SLC25A23: variants seen among roughly 807,000 people sequenced by gnomAD.
The protein encoded by SLC25A23 is mitochondrial adenyl nucleotide antiporter SLC25A23.
Under a neutral mutation model 53.9 loss-of-function variants are expected in SLC25A23, and 32 were observed. That is an observed-to-expected ratio of 0.59 (90% confidence interval 0.45 to 0.80). The LOEUF is 0.80. Among genes scored for constraint, SLC25A23 ranks in the 30% least tolerant of loss-of-function variants. SLC25A23 has a pLI of 0.00. For missense variants in SLC25A23, 575 were observed against 651.4 expected, an observed-to-expected ratio of 0.88 and a Z score of 1.28; for synonymous variants, 275 against 264.5, an observed-to-expected ratio of 1.04 and a Z score of -0.38.
intron 8 of SLC25A23, among the ~76,000 whole-genome samples, chr19:6,447,254 G>T (rs1483093353): frequency 1.3e-5 from 2 of 151,820 alleles, no homozygotes; most frequent in Admixed American, 1.3e-4. Flanking sequence ...TTGTCCTCAC[G>T]TCCCAGTTTC....
At chr19:6,450,011 C>T (rs976625958) in intron 8 of SLC25A23, among the ~76,000 whole-genome samples, 16 of 151,786 alleles carry the variant, frequency 1.1e-4, no homozygotes, top group African/African-American at 3.9e-4. Context: ...GTGCCCACCA[C>T]CACGCTCGGC....
At chr19:6,456,972 C>G (rs2092690600) in intron 3 of SLC25A23, among the ~76,000 whole-genome samples, 1 of 152,068 alleles carries the variant, frequency 6.6e-6, no homozygotes, top group African/African-American at 2.4e-5. Context: ...GCCACCATAG[C>G]CAGCTGTATT....
At chr19:6,436,852 ATTTT>A (rs927288940), downstream of SLC25A23, among the ~76,000 whole-genome samples, 2 of 144,844 alleles carry the variant, frequency 1.4e-5, no homozygotes, top group African/African-American at 5.2e-5. Flanking sequence ...CCAATCTTTT[ATTTT>A]TTTATTTTTT....
chr19:6,442,004 T>A lies in SLC25A23; in HGVS notation c.1378A>T (p.Lys460Ter). 1 of 1,613,888 alleles carries A rather than the reference T, an allele frequency of 6.2e-7. No individual in the cohort carries two copies. The highest frequency in any genetic ancestry group is 1.1e-5 in the South Asian group (1 of 91,066). ...SISYVVYENM[K>*]QALGVTSR is the part of the protein sequence containing the mutation. ...CTGGACGTGACCCCCAAGGCCTGCT[T>A]CATGTTCTCGTAGACCACATAGGAG... Residue 460 changes from lysine (K) to a stop codon, truncating the protein, a stop_gained, in exon 10 of 10, where the codon AAG becomes TAG. Transcript: ENST00000301454. LOFTEE classifies it high-confidence loss of function.
intron 4 of SLC25A23, among the ~76,000 whole-genome samples, chr19:6,455,159 C>A (rs1296948844): frequency 6.6e-6 from 1 of 152,138 alleles, no homozygotes; most frequent in African/African-American, 2.4e-5. Flanking sequence ...GTAGTCCCAG[C>A]TACTCAGGAG....
rs576954625 is a variant in SLC25A23 at position 6,456,187 on chromosome 19, G to A, written c.483+233C>T. ...CCCACACGCTGTCCCCAGAGGCCCC[G>A]ATGTAAGTCTCAAGGGCTGCGCTTC... On this transcript the variant is annotated intron_variant, in intron 4 of 9. Coordinates refer to ENST00000301454, the MANE Select transcript of SLC25A23 (RefSeq NM_024103.3). 5.2e-4 allele frequency: 663 copies of A among 1,266,134 alleles called. 2 individuals carry two copies. Among genetic ancestry groups the A allele is most frequent in the Non-Finnish European group, 6.5e-4 (607 of 936,816 alleles). 78.4% of individuals were successfully genotyped at this position (1,266,134 alleles called of 1,614,324 possible).
downstream of SLC25A23, chr19:6,436,543 C>A: frequency 2.4e-6 from 1 of 412,896 alleles, no homozygotes; most frequent in Non-Finnish European, 4.8e-6. Flanking sequence ...ATGGCAGCGA[C>A]AGTGTCTTTT....
chr19:6,453,973 C>G lies in SLC25A23; in HGVS notation c.903+8G>C. 6.2e-7 allele frequency: 1 copy of G among 1,608,146 alleles called. No homozygotes were observed. Among genetic ancestry groups the G allele is most frequent in the Non-Finnish European group, 8.5e-7 (1 of 1,176,902 alleles). ...CATGGGGCCTCCGCTGGGGTCCCTC[C>G]TTCTCACCTCCATAGGGTAAATGAT... On this transcript the variant is annotated splice_region_variant and intron_variant, in intron 7 of 9. Coordinates refer to ENST00000301454, the MANE Select transcript of SLC25A23 (RefSeq NM_024103.3).
chr19:6,445,233 G>A (rs568148649), intron 8 of SLC25A23, among the ~76,000 whole-genome samples: 17 of 152,142 alleles, frequency 1.1e-4, no homozygotes, highest in Admixed American at 3.9e-4. Flanking sequence ...CCTCAGCCTC[G>A]AAGTAGCTAG....
rs200436209 is a variant in SLC25A23 at position 6,454,274 on chromosome 19, G to A, written c.795+49C>T. Reference sequence around the variant, plus strand: ...CCAATCCCGTAAATCTTTATGTACAGCCCAGTCTTCCCTATGGCAAGCACA... The same window carrying A: ...CCAATCCCGTAAATCTTTATGTACAACCCAGTCTTCCCTATGGCAAGCACA... On this transcript the variant is annotated intron_variant, in intron 6 of 9. Transcript: ENST00000301454. The surrounding 1 kb of genome is among the most constrained non-coding windows in gnomAD (Gnocchi z 4.3). The A allele has an allele frequency of 3.2e-6, 5 of 1,586,334 alleles. No individual in the cohort carries two copies. The East Asian group carries it at 1.1e-4, about 36-fold the overall frequency.
intron 3 of SLC25A23, among the ~76,000 whole-genome samples, chr19:6,456,948 G>A (rs2092690216): frequency 2.6e-5 from 4 of 152,128 alleles, no homozygotes; most frequent in African/African-American, 9.7e-5. Flanking sequence ...AAAGTGGCAG[G>A]ATTGCAGGCG....
chr19:6,448,226 G>A (rs1202415742), intron 8 of SLC25A23, among the ~76,000 whole-genome samples: 1 of 152,146 alleles, frequency 6.6e-6, no homozygotes, highest in African/African-American at 2.4e-5. Context: ...AGAAATTGCT[G>A]CCTGAAACTG....
intron 8 of SLC25A23, among the ~76,000 whole-genome samples, chr19:6,449,735 T>G (rs2092559771): frequency 6.7e-6 from 1 of 150,330 alleles, no homozygotes; most frequent in Non-Finnish European, 1.5e-5. Context: ...TTTTAAATTG[T>G]TTTATAGAGA....
chr19:6,444,399 T>C (rs1026792003), intron 8 of SLC25A23, 98 bp from the exon 9 acceptor site: 1 of 1,333,190 alleles, frequency 7.5e-7, no homozygotes, highest in African/African-American at 1.5e-5. Flanking sequence ...TGACAGGTGC[T>C]ACTAGCTGAG....
chr19:6,450,227 C>G (rs977369102), intron 8 of SLC25A23, among the ~76,000 whole-genome samples: 3 of 152,036 alleles, frequency 2.0e-5, no homozygotes, highest in Non-Finnish European at 2.9e-5. Context: ...ATCAGTCCCC[C>G]CCAGACACCT....
rs1174132100 is a variant in SLC25A23 at position 6,456,411 on chromosome 19, C to T, written c.483+9G>A. 6.2e-7 allele frequency: 1 copy of T among 1,613,456 alleles called. No homozygotes were observed. The highest frequency in any genetic ancestry group is 8.5e-7 in the Non-Finnish European group (1 of 1,179,462). The stretch of plus-strand genomic sequence containing the variant: ...AGCCTTCAGCTGGGGAAAGCCACCC[C>T]CACCTCACCGTGGAATGCTTCCAGA... On this transcript the variant is annotated intron_variant, in intron 4 of 9. Coordinates refer to ENST00000301454, the MANE Select transcript of SLC25A23 (RefSeq NM_024103.3).
Position 6,442,124 on chromosome 19 carries a change from C to A in SLC25A23, c.1258G>T (p.Gly420Cys), listed in dbSNP as rs753031622. 210 of 1,598,628 alleles carry A rather than the reference C, an allele frequency of 1.3e-4. No individual in the cohort carries two copies. The highest frequency in any genetic ancestry group is 1.7e-4 in the Non-Finnish European group (203 of 1,172,208). Reference protein sequence around the residue: ...IEGGPQLSMLGLLRHILSQEG... With the variant: ...IEGGPQLSMLCLLRHILSQEG... ...TGGGACAGGATGTGACGTAGCAGAC[C>A]CAGCATGGACAGCTGGGGGCCACCC... The change falls in exon 10 of 10, where the codon GGT (glycine) becomes TGT (cysteine). Residue 420 changes from glycine to cysteine, a missense_variant. Transcript: ENST00000301454.
chr19:6,456,649 A>T, intron 3 of SLC25A23, 118 bp from the exon 4 acceptor site: 1 of 661,334 alleles, frequency 1.5e-6, no homozygotes. Flanking sequence ...TATCAACCCT[A>T]TTAGAGATGT....
chr19:6,446,025 C>T (rs370711624), intron 8 of SLC25A23, among the ~76,000 whole-genome samples: 3 of 151,960 alleles, frequency 2.0e-5, no homozygotes, highest in East Asian at 1.9e-4. Context: ...TGTAGTGAGC[C>T]GTGATGCACT....
Sources: gnomAD v4.1 joint callset for allele counts (sites outside exome capture counted in the v4.1 genomes callset) on GRCh38, gnomAD v4.1.1 for gene constraint, Gnocchi (gnomAD v3.1) non-coding constraint, MANE v1.5 for transcripts, NCBI Gene and HGNC (gene_info 2026-07-23, HGNC 2026-07-21) for gene names.